The following MEDAG variants were observed in gnomAD, a reference collection of about 807,000 sequenced individuals.
MEDAG encodes the protein mesenteric estrogen-dependent adipogenesis protein.
Under a neutral mutation model 29.9 loss-of-function variants are expected in MEDAG, and 25 were observed. The ratio of observed to expected loss-of-function variants is 0.84; its 90% CI spans 0.61 to 1.17. MEDAG has a LOEUF of 1.17. Ranked by LOEUF, MEDAG falls within the 50% of genes most tolerant of loss-of-function variation. MEDAG has a pLI of 0.00. For synonymous variants in MEDAG, 158 were observed against 148.2 expected, an observed-to-expected ratio of 1.07 and a Z score of -0.48; for missense variants, 398 against 372.9, an observed-to-expected ratio of 1.07 and a Z score of -0.56.
chr13:30,915,992 T>A (rs1171129196), intron 1 of MEDAG: 1 of 151,980 alleles, frequency 6.6e-6, no homozygotes, highest in Non-Finnish European at 1.5e-5. Context: ...ACTACAGATG[T>A]GGTGGGAGGT....
intron 1 of MEDAG, among the ~76,000 whole-genome samples, chr13:30,911,241 C>G (rs1018051629): frequency 7.2e-5 from 11 of 152,144 alleles, no homozygotes; most frequent in African/African-American, 2.4e-4. Context: ...TAGCCAGATT[C>G]TACAGGTGAG....
intron 1 of MEDAG, among the ~76,000 whole-genome samples, chr13:30,911,750 C>G (rs1457328932): frequency 1.3e-5 from 2 of 152,148 alleles, no homozygotes; most frequent in Non-Finnish European, 2.9e-5. Context: ...AGTTTGCAAG[C>G]CTATGAATAG....
chr13:30,924,558 T>TA lies in MEDAG; in HGVS notation c.*123_*124insA. On this transcript the variant is annotated 3_prime_UTR_variant, in exon 5 of 5. Coordinates refer to ENST00000380482, the MANE Select transcript of MEDAG (RefSeq NM_032849.4). ...TGCGTGTCAATCTCCGGCTCCTCCA[T>TA]GGCTTCTATGGAGGACTCCTCTCTT... 5.2e-5 allele frequency: 53 copies of TA among 1,021,840 alleles called. No homozygotes were observed. The highest frequency in any genetic ancestry group is 6.8e-5 in the Non-Finnish European group (48 of 708,106). The allele number at this position is 1,021,840 out of a possible 1,614,324, so 63.3% of individuals were successfully genotyped here.
Position 30,921,738 on chromosome 13 carries a change from A to G in MEDAG, c.679A>G (p.Thr227Ala). Residue 227 changes from threonine to alanine, a missense_variant, in exon 4 of 5, where the codon ACA becomes GCA. By Grantham distance (58) the Thr-to-Ala change is moderately conservative. Coordinates refer to ENST00000380482, the MANE Select transcript of MEDAG (RefSeq NM_032849.4). ...TGGAAAAGTTCTGAATTTGTCAAGT[A>G]CAAGTCCAGAAAAGAAGGAGACGAT... ...VNGKVLNLSS[T>A]SPEKKETIKL... The G allele has an allele frequency of 6.2e-7, 1 of 1,614,100 alleles. No homozygotes were observed. Among genetic ancestry groups the G allele is most frequent in the Admixed American group, 1.7e-5 (1 of 60,018 alleles).
intron 1 of MEDAG, among the ~76,000 whole-genome samples, chr13:30,907,155 T>A (rs1952839029): frequency 6.6e-6 from 1 of 152,168 alleles, no homozygotes; most frequent in South Asian, 2.1e-4. Flanking sequence ...GCACACCCTT[T>A]AGGGGCTGTC....
intron 4 of MEDAG, 119 bp downstream of exon 4, chr13:30,921,965 C>A: frequency 1.8e-6 from 2 of 1,105,952 alleles, no homozygotes; most frequent in Non-Finnish European, 2.5e-6. Flanking sequence ...GGAAATAGAT[C>A]ACAAAATTCA....
chr13:30,908,374 A>G (rs898822091), intron 1 of MEDAG, among the ~76,000 whole-genome samples: 12 of 152,224 alleles, frequency 7.9e-5, no homozygotes, highest in Non-Finnish European at 1.3e-4. Context: ...CCTGGGAAAT[A>G]GCAAGGAGCC....
At chr13:30,915,763 T>C (rs569736388) in intron 1 of MEDAG, among the ~76,000 whole-genome samples, 2 of 152,134 alleles carry the variant, frequency 1.3e-5, no homozygotes, top group African/African-American at 4.8e-5. Flanking sequence ...ACCAAAGCCA[T>C]GTGTGGGTCT....
At chr13:30,908,435 G>A (rs918035377) in intron 1 of MEDAG, among the ~76,000 whole-genome samples, 1 of 152,192 alleles carries the variant, frequency 6.6e-6, no homozygotes, top group African/African-American at 2.4e-5. Flanking sequence ...CCTCAGGCAG[G>A]GAAGGAGGCT....
intron 2 of MEDAG, among the ~76,000 whole-genome samples, chr13:30,919,158 G>A (rs553930146): frequency 6.7e-5 from 10 of 149,788 alleles, no homozygotes; most frequent in African/African-American, 2.5e-4. Context: ...CAGAAATCCA[G>A]AAACCCAGTA....
In MEDAG at chr13:30,924,528, C is replaced by T. The variant is rs1953022920; in HGVS notation, c.*93C>T. 7.6e-7 allele frequency: 1 copy of T among 1,315,756 alleles called. No individual in the cohort carries two copies. The highest frequency in any genetic ancestry group is 1.0e-6 in the Non-Finnish European group (1 of 963,820). The allele number at this position is 1,315,756 out of a possible 1,614,324, so 81.5% of individuals were successfully genotyped here. The stretch of plus-strand genomic sequence containing the variant: ...GGTAGGAGGTGGGAGGCAGATACTT[C>T]CACCTGCGTGTCAATCTCCGGCTCC... On this transcript the variant is annotated 3_prime_UTR_variant, in exon 5 of 5. Transcript: ENST00000380482.
intron 2 of MEDAG, among the ~76,000 whole-genome samples, chr13:30,920,659 A>G (rs1312658910): frequency 1.3e-5 from 2 of 152,140 alleles, no homozygotes; most frequent in African/African-American, 4.8e-5. Context: ...TCGATCTTCC[A>G]CTTTCCTTCC....
chr13:30,914,439 A>C (rs972093696), intron 1 of MEDAG, among the ~76,000 whole-genome samples: 3 of 152,230 alleles, frequency 2.0e-5, no homozygotes, highest in African/African-American at 7.2e-5. Context: ...ACTGGCATGC[A>C]CTGTGATGAG....
Position 30,921,562 on chromosome 13 carries a change from T to C in MEDAG, c.503T>C (p.Phe168Ser), listed in dbSNP as rs759414279. ...ATGCAATGTTCCTCTCTCTTTCAGT[T>C]TGATTTTCAAGAGGCAGTGAAGAAT... The part of the protein sequence containing the change: ...SVIGESYRLQ[F>S]DFQEAVKNFF... Residue 168 changes from phenylalanine to serine, a missense_variant and splice_region_variant, in exon 4 of 5, where the codon TTT becomes TCT. Transcript: ENST00000380482. 1.2e-6 allele frequency: 2 copies of C among 1,601,294 alleles called. No individual in the cohort carries two copies. The highest frequency in any genetic ancestry group is 1.7e-6 in the Non-Finnish European group (2 of 1,175,438).
rs1452434193 is a variant in MEDAG, at chr13:30,906,569, G to A, written c.54G>A (p.Ser18=). Residue 18 remains serine, a synonymous_variant, in exon 1 of 5, where the codon TCG becomes TCA. Coordinates refer to ENST00000380482, the MANE Select transcript of MEDAG (RefSeq NM_032849.4). The part of the protein sequence containing the change: ...PVARPSLTSI[S]SGELRSLWTC... ...CCAGGCCGAGCCTGACCTCCATCTC[G>A]TCTGGGGAGCTTCGCAGCCTGTGGA... is the stretch of plus-strand genomic sequence containing the variant. 6.3e-7 allele frequency: 1 copy of A among 1,582,120 alleles called. No individual in the cohort carries two copies. The highest frequency in any genetic ancestry group is 1.8e-4 in the Middle Eastern group (1 of 5,438).
chr13:30,908,880 T>A (rs1166413290), intron 1 of MEDAG: 1 of 152,958 alleles, frequency 6.5e-6, no homozygotes, highest in Non-Finnish European at 1.5e-5. Flanking sequence ...CCCAGCACTT[T>A]GGGAGGCTGA....
intron 1 of MEDAG, among the ~76,000 whole-genome samples, chr13:30,911,770 T>C (rs998767481): frequency 1.8e-4 from 27 of 152,294 alleles, no homozygotes; most frequent in African/African-American, 6.5e-4. Flanking sequence ...GCAGGGACCA[T>C]GTCTTAGACC....
chr13:30,908,520 G>C (rs1332211179), intron 1 of MEDAG, among the ~76,000 whole-genome samples: 1 of 152,210 alleles, frequency 6.6e-6, no homozygotes, highest in Non-Finnish European at 1.5e-5. Context: ...CTTCCAGGCA[G>C]AGGGGGAGGA....
chr13:30,921,953 A>G, intron 4 of MEDAG, 107 bp downstream of exon 4: 1 of 1,194,292 alleles, frequency 8.4e-7, no homozygotes, highest in South Asian at 1.7e-5. Context: ...TATTAATGAA[A>G]GGGAAATAGA....
Sources: allele counts gnomAD v4.1 joint callset (sites outside exome capture counted in the v4.1 genomes callset), GRCh38; gene constraint gnomAD v4.1.1; transcripts MANE v1.5; gene names NCBI Gene and HGNC (gene_info 2026-07-23, HGNC 2026-07-21).